The following REC8 variants were observed in gnomAD, a reference collection of about 807,000 sequenced individuals.
The protein encoded by REC8 is REC8 meiotic recombination protein.
REC8 carries 42 observed loss-of-function variants against 78.3 expected under a neutral mutation model. The ratio of observed to expected loss-of-function variants is 0.54; its 90% CI spans 0.42 to 0.69. REC8 has a LOEUF of 0.69. REC8 is among the 30% of genes least tolerant of loss of function. The pLI is 0.00. For missense variants in REC8, 581 were observed against 715.8 expected, an observed-to-expected ratio of 0.81 and a Z score of 2.15; for synonymous variants, 268 against 274.1, an observed-to-expected ratio of 0.98 and a Z score of 0.22.
In REC8 at chr14:24,178,225, G is replaced by C; in HGVS notation, c.996+3G>C. 1 of 1,613,338 alleles carries C rather than the reference G, an allele frequency of 6.2e-7. No individual in the cohort carries two copies. Among genetic ancestry groups the C allele is most frequent in the Non-Finnish European group, 8.5e-7 (1 of 1,179,368 alleles). On this transcript the variant is annotated splice_donor_region_variant and intron_variant, in intron 12 of 18. Transcript: ENST00000611366. ...CCAGAGCCCACTGCTGGGAATGTGT[G>C]AGTGCAGCCCAGGCTTTGCCGGGGA...
In REC8 at chr14:24,174,581, AC is replaced by A. The variant is rs560976348; in HGVS notation, c.463-958del. 2.0e-5 allele frequency among the ~76,000 whole-genome samples: 3 copies of A among 152,118 alleles called. No individual in the cohort carries two copies. The East Asian group carries it at 5.8e-4, about 29-fold the overall frequency. Reference sequence around the variant, plus strand: ...GTGTGAACCACCGTGCCTGGCACATACCCCAGTTTAGAACTAGTCATCCCCA... The same window carrying A: ...GTGTGAACCACCGTGCCTGGCACATACCCAGTTTAGAACTAGTCATCCCCA... On this transcript the variant is annotated intron_variant, in intron 5 of 18. Coordinates refer to ENST00000611366, the MANE Select transcript of REC8 (RefSeq NM_001048205.2).
Position 24,178,792 on chromosome 14 carries a change from C to G in REC8, c.1079C>G (p.Pro360Arg). Residue 360 changes from proline (P) to arginine (R), a missense_variant, in exon 14 of 19, where the codon CCT becomes CGT. Coordinates refer to ENST00000611366, the MANE Select transcript of REC8 (RefSeq NM_001048205.2). ...RTPTLSGWLP[P>R]ELLGLWTHCA... ...TTGTCCACAGCTGGCTGGCTACCCC[C>G]TGAACTACTGGGTCTCTGGACCCAT... The G allele has an allele frequency of 1.9e-6, 3 of 1,611,980 alleles. No individual in the cohort carries two copies. Among genetic ancestry groups the G allele is most frequent in the South Asian group, 1.1e-5 (1 of 90,880 alleles).
At position 24,172,947 on chromosome 14, in the gene REC8, C is replaced by G. The variant is rs756363583; in HGVS notation, c.174C>G (p.Pro58=). ...TGGTACGAGTGCAACCCCCGCAGCC[C>G]GGCCTGCCGCGGCCCCGCTTCTCCC... The part of the protein sequence containing the change: ...YVLVRVQPPQ[P]GLPRPRFSLY... The change falls in exon 3 of 19, where the codon CCC becomes CCG. Residue 58 remains proline, a synonymous_variant. Transcript: ENST00000611366. 1.9e-6 allele frequency: 3 copies of G among 1,610,300 alleles called. No homozygotes were observed. The highest frequency in any genetic ancestry group is 3.3e-5 in the Admixed American group (2 of 60,006).
At chr14:24,172,630 G>A (rs752220161) in intron 1 of REC8, 22 bp downstream of exon 1, 3 of 1,612,780 alleles carry the variant, frequency 1.9e-6, no homozygotes, top group African/African-American at 1.3e-5. Flanking sequence ...GCCCGTTGGC[G>A]CGCGATGGCG....
intron 5 of REC8, 126 bp downstream of exon 5, chr14:24,173,537 G>C: frequency 1.3e-6 from 2 of 1,523,738 alleles, no homozygotes; most frequent in Admixed American, 3.8e-5. Context: ...AGATGGTGCA[G>C]GGGGACTGCC....
At chr14:24,174,605 C>T (rs146346431) in intron 5 of REC8, among the ~76,000 whole-genome samples, 1 of 152,226 alleles carries the variant, frequency 6.6e-6, no homozygotes, top group African/African-American at 2.4e-5. Context: ...CTAGTCATCC[C>T]CAGACTTCTC....
At position 24,178,759 on chromosome 14, in the gene REC8, C is replaced by G. The variant is rs1224878293; in HGVS notation, c.1064-18C>G. The G allele has an allele frequency of 6.2e-7, 1 of 1,608,824 alleles. No homozygotes were observed. Among genetic ancestry groups the G allele is most frequent in the Non-Finnish European group, 8.5e-7 (1 of 1,176,144 alleles). ...CCTCACGCCTCAAACCCCGTGCCTA[C>G]TACCCTCTTGTCCACAGCTGGCTGG... On this transcript the variant is annotated intron_variant, in intron 13 of 18. Transcript: ENST00000611366.
At chr14:24,175,439 G>A in intron 5 of REC8, 104 bp from the exon 6 acceptor site, 1 of 866,274 alleles carries the variant, frequency 1.2e-6, no homozygotes, top group Non-Finnish European at 1.9e-6. Context: ...CAAGAATTAG[G>A]CATAAAAGGA....
chr14:24,178,995 G>A (rs2039033894), intron 14 of REC8, 79 bp downstream of exon 14: 2 of 1,602,132 alleles, frequency 1.2e-6, no homozygotes, highest in Admixed American at 1.7e-5. Context: ...CCTGCTATGA[G>A]AGCCAACAGC....
rs932924999 is a variant in REC8, at chr14:24,178,326, T to C, written c.996+104T>C. ...ACTCCTCAGGTGGGTGGGGGGAGGA[T>C]TGGGAACTTGATGAAAAATCTCCTC... On this transcript the variant is annotated intron_variant, in intron 12 of 18. Coordinates refer to ENST00000611366, the MANE Select transcript of REC8 (RefSeq NM_001048205.2). The C allele has an allele frequency of 1.8e-5, 19 of 1,059,464 alleles. No individual in the cohort carries two copies. The African/African-American group carries it at 2.9e-4, about 16-fold the overall frequency. The allele number at this position is 1,059,464 out of a possible 1,614,324, so 65.6% of individuals were successfully genotyped here. A position where few individuals can be genotyped will look rare whatever the true frequency, so the allele number is the denominator to read the frequency against.
In REC8 at chr14:24,180,071, C is replaced by T. The variant is rs1439411634; in HGVS notation, c.1620C>T (p.Ile540=). The stretch of plus-strand genomic sequence containing the variant: ...AAAAGCCATATGGTCGCCTCCTGAT[C>T]CAGCCGGGGCCCAGATTCCACTGAG... ...KQEKPYGRLL[I]QPGPRFH The change falls in exon 19 of 19, where the codon ATC becomes ATT. Residue 540 remains isoleucine (I), a synonymous_variant. Coordinates refer to ENST00000611366, the MANE Select transcript of REC8 (RefSeq NM_001048205.2). The T allele has an allele frequency of 1.9e-6, 3 of 1,614,098 alleles. No individual in the cohort carries two copies. The highest frequency in any genetic ancestry group is 1.3e-5 in the African/African-American group (1 of 74,938).
rs1174936506 is a variant in REC8, at chr14:24,173,280, TTC to T, written c.342-6_342-5del. 6.2e-7 allele frequency: 1 copy of T among 1,614,184 alleles called. No individual in the cohort carries two copies. The highest frequency in any genetic ancestry group is 2.2e-5 in the East Asian group (1 of 44,882). On this transcript the variant is annotated splice_polypyrimidine_tract_variant and intron_variant, in intron 4 of 18. Transcript: ENST00000611366. ...CAGCCTCAGTCCTTCACGGCCTACA[TTC>T]TCTCCCAGACCCAGCCTGCTGCTTC...
chr14:24,176,159 C>T (rs556843654), intron 6 of REC8, among the ~76,000 whole-genome samples: 11 of 151,874 alleles, frequency 7.2e-5, no homozygotes, highest in Admixed American at 2.6e-4. Flanking sequence ...CTCCGCCTCC[C>T]GGATTCAAGC....
chr14:24,180,410 C>A, downstream of REC8: 1 of 1,595,232 alleles, frequency 6.3e-7, no homozygotes, highest in African/African-American at 1.3e-5. Context: ...TGGGCAGGCT[C>A]TATTCTCTCT....
chr14:24,172,650 C>G (rs749860730), intron 1 of REC8, 42 bp downstream of exon 1: 4 of 1,612,790 alleles, frequency 2.5e-6, no homozygotes, highest in Admixed American at 1.7e-5. Flanking sequence ...GGACGCTGCC[C>G]GGGATCCCAG....
At chr14:24,180,874 T>TG, downstream of REC8, 1 of 735,060 alleles carries the variant, frequency 1.4e-6, no homozygotes. Context: ...CACCTGGTAC[T>TG]GATTCACAGG....
chr14:24,179,219 A>G, intron 15 of REC8, 86 bp downstream of exon 15: 1 of 1,301,724 alleles, frequency 7.7e-7, no homozygotes, highest in Non-Finnish European at 1.1e-6. Flanking sequence ...AAGCTGTTTT[A>G]TGAGTGAAGG....
In REC8 at chr14:24,173,047, G is replaced by C. The variant is rs531673518; in HGVS notation, c.268+6G>C. The stretch of plus-strand genomic sequence containing the variant: ...ACAATGCCAGTACCTCGTGGGTAAG[G>C]CTGGGAACCCTCAAAGGTGGGGCGG... On this transcript the variant is annotated splice_donor_region_variant and intron_variant, in intron 3 of 18. Coordinates refer to ENST00000611366, the MANE Select transcript of REC8 (RefSeq NM_001048205.2). The C allele has an allele frequency of 1.3e-5, 21 of 1,609,766 alleles. 1 individual carries two copies. The African/African-American group carries it at 1.5e-4, about 11-fold the overall frequency.
chr14:24,177,433 TCTC>T (rs763668010), intron 9 of REC8, 29 bp from the exon 10 acceptor site: 19 of 1,613,676 alleles, frequency 1.2e-5, no homozygotes, highest in Non-Finnish European at 1.5e-5. Flanking sequence ...CTGGGAAGGG[TCTC>T]CTCATTTCTC....
Sources: allele counts gnomAD v4.1 joint callset (sites outside exome capture counted in the v4.1 genomes callset), GRCh38; gene constraint gnomAD v4.1.1; transcripts MANE v1.5; gene names NCBI Gene and HGNC (gene_info 2026-07-23, HGNC 2026-07-21).